Variants in PPFIA4 observed in about 807,000 individuals in gnomAD.
PPFIA4 encodes liprin-alpha-4.
A neutral mutation model predicts 145.7 loss-of-function variants in PPFIA4; 98 were observed. The observed-to-expected ratio is 0.67, with a 90% CI of 0.57 to 0.80. The LOEUF is 0.80. Ranked by LOEUF, PPFIA4 falls within the 30% of genes least tolerant of loss-of-function variation. PPFIA4 has a pLI of 0.00. For missense variants in PPFIA4, 1,457 were observed against 1,632.7 expected (o/e 0.89, Z 1.85); for synonymous variants, 628 against 649.6 (o/e 0.97, Z 0.51).
Position 203,060,803 on chromosome 1 carries a change from G to A in PPFIA4, c.2785-167G>A, listed in dbSNP as rs912805052. On this transcript the variant is annotated intron_variant, in intron 22 of 29. Transcript: ENST00000295706. The surrounding 1 kb of genome is among the most constrained non-coding windows in gnomAD (Gnocchi z 4.8). ...CACAAGAATGCGGACTGCTCTGTGG[G>A]CCCCTGGGGTGGAGTCTTTCATTGT... Among the ~76,000 whole-genome samples, 1 of 152,216 alleles carries A rather than the reference G, an allele frequency of 6.6e-6. No individual in the cohort carries two copies. The highest frequency in any genetic ancestry group is 1.5e-5 in the Non-Finnish European group (1 of 68,030).
Position 203,060,355 on chromosome 1 carries a change from C to T in PPFIA4, c.2722C>T (p.Arg908Cys), listed in dbSNP as rs770744340. ...CAATGCCCTGCACCGGCTCAAGCTC[C>T]GCCTGGCCATTCAGGAGATGGTGTC... ...ISNALHRLKLRLAIQEMVSLT... is the reference protein window; with the variant it reads ...ISNALHRLKLCLAIQEMVSLT... The change falls in exon 22 of 30, where the codon CGC (arginine) becomes TGC (cysteine). Residue 908 changes from arginine (R) to cysteine (C), a missense_variant. Coordinates refer to ENST00000295706, the MANE Select transcript of PPFIA4 (RefSeq NM_001304331.2). This position sits in a 1 kb window ranked among gnomAD's most constrained non-coding sequence, Gnocchi z 4.8. 1.4e-5 allele frequency: 23 copies of T among 1,613,912 alleles called. No homozygotes were observed. Among genetic ancestry groups the T allele is most frequent in the East Asian group, 2.2e-5 (1 of 44,892 alleles).
At position 203,075,900 on chromosome 1, in the gene PPFIA4, G is replaced by C; in HGVS notation, c.3574+143G>C. The C allele has an allele frequency of 3.4e-6, 3 of 871,170 alleles. No homozygotes were observed. Among genetic ancestry groups the C allele is most frequent in the Non-Finnish European group, 4.8e-6 (3 of 626,292 alleles). 54.0% of individuals were successfully genotyped at this position (871,170 alleles called of 1,614,324 possible). ...TGCGCTGCAGCTGCACTAACGCTCC[G>C]CGGGGAGCGTGTGTGCGCACTAACC... On this transcript the variant is annotated intron_variant, in intron 29 of 29. Coordinates refer to ENST00000295706, the MANE Select transcript of PPFIA4 (RefSeq NM_001304331.2). This position sits in a 1 kb window ranked among gnomAD's most constrained non-coding sequence, Gnocchi z 4.1.
At chr1:203,035,413 G>A (rs1571661022) in intron 1 of PPFIA4, 1 of 430,608 alleles carries the variant, frequency 2.3e-6, no homozygotes, top group Non-Finnish European at 4.7e-6. Context: ...AAAAGGTGGG[G>A]GTGACTTTTG....
At chr1:203,065,253 C>T (rs955322965) in intron 25 of PPFIA4, among the ~76,000 whole-genome samples, 5 of 152,180 alleles carry the variant, frequency 3.3e-5, no homozygotes, top group African/African-American at 1.2e-4. Context: ...GAACCCTTGG[C>T]CTATGTGACC....
intron 1 of PPFIA4, among the ~76,000 whole-genome samples, chr1:203,031,465 A>T (rs1014640501): frequency 1.3e-5 from 2 of 148,936 alleles, no homozygotes; most frequent in African/African-American, 5.0e-5. Context: ...ACACCCCCCC[A>T]TTCTCTTTTC....
At chr1:203,062,294 A>G (rs11582909) in intron 24 of PPFIA4, among the ~76,000 whole-genome samples, 76,482 of 149,850 alleles carry the variant, frequency 0.51, 19,812 homozygotes, top group South Asian at 0.55. Flanking sequence ...TGGCTAACAC[A>G]GTGAAACCCC....
rs1334835997 is a variant in PPFIA4, at chr1:203,055,349, G to A, written c.1830-83G>A. The A allele has an allele frequency of 5.1e-6, 8 of 1,571,286 alleles. No homozygotes were observed. In the Admixed American group the frequency reaches 8.4e-5, roughly 17 times the overall value. On this transcript the variant is annotated intron_variant, in intron 15 of 29. Coordinates refer to ENST00000295706, the MANE Select transcript of PPFIA4 (RefSeq NM_001304331.2). This position sits in a 1 kb window ranked among gnomAD's most constrained non-coding sequence, Gnocchi z 4.8. ...TGTACACCGCATGTGGTCCTTGGTG[G>A]CGAGTGCAGGCATCGACCCGCACTG...
rs752694231 is a variant in PPFIA4, at chr1:203,056,892, T to C, written c.2349T>C (p.Phe783=). 1.2e-6 allele frequency: 2 copies of C among 1,613,998 alleles called. No homozygotes were observed. The highest frequency in any genetic ancestry group is 4.5e-5 in the East Asian group (2 of 44,882). The change falls in exon 19 of 30, where the codon TTT becomes TTC. Residue 783 remains phenylalanine (F), a synonymous_variant. Transcript: ENST00000295706. The part of the protein sequence containing the change: ...KGIKSSIGRL[F]GKKEKGRLIQ... ...TCAAGTCGTCCATTGGCCGCCTGTT[T>C]GGGAAGAAGGAGAAGGGCAGGCTGA...
chr1:203,055,630 C>A lies in PPFIA4; in HGVS notation c.2028C>A (p.Arg676=). 6.2e-7 allele frequency: 1 copy of A among 1,614,030 alleles called. No individual in the cohort carries two copies. Among genetic ancestry groups the A allele is most frequent in the Non-Finnish European group, 8.5e-7 (1 of 1,179,900 alleles). Residue 676 remains arginine (R), a synonymous_variant, in exon 16 of 30, where the codon CGC becomes CGA. Transcript: ENST00000295706. The surrounding 1 kb of genome is among the most constrained non-coding windows in gnomAD (Gnocchi z 4.8). Reference sequence around the variant, plus strand: ...GCTCCACACCTAAGCTCACCTCCCGCAGTGCTGCCCAGGACCTGGACCGAA... The same window carrying A: ...GCTCCACACCTAAGCTCACCTCCCGAAGTGCTGCCCAGGACCTGGACCGAA... ...SGRSTPKLTS[R]SAAQDLDRMG...
At chr1:203,049,534 G>A in intron 12 of PPFIA4, 142 bp from the exon 13 acceptor site, 2 of 681,108 alleles carry the variant, frequency 2.9e-6, no homozygotes, top group Non-Finnish European at 4.5e-6. Context: ...CTGGCCTGGG[G>A]CCCCTGGCTT....
Position 203,027,133 on chromosome 1 carries a change from C to T in PPFIA4, c.-400+504C>T, listed in dbSNP as rs1658456303. Among the ~76,000 whole-genome samples the T allele has an allele frequency of 2.6e-5, 4 of 152,212 alleles. No homozygotes were observed. The South Asian group carries it at 8.3e-4, about 32-fold the overall frequency. ...AGCTCTCCATTCCTCGAACTGCCAG[C>T]CTCAGTCTGTGCCAGAGATGCCCCC... On this transcript the variant is annotated intron_variant, in intron 1 of 29. Transcript: ENST00000295706.
In PPFIA4 at chr1:203,054,235, G is replaced by C; in HGVS notation, c.1829+274G>C. 14 of 641,274 alleles carry C rather than the reference G, an allele frequency of 2.2e-5. No homozygotes were observed. The Middle Eastern group carries it at 1.6e-3, about 75-fold the overall frequency. The allele number at this position is 641,274 out of a possible 1,614,324, so 39.7% of individuals were successfully genotyped here. A position where few individuals can be genotyped will look rare whatever the true frequency, so the allele number is the denominator to read the frequency against. On this transcript the variant is annotated intron_variant, in intron 15 of 29. Transcript: ENST00000295706. ...GCTGTGTTCCTGCAGCCCTGCAGCT[G>C]ATCTTAACCACTAAGAGTGTAGCTC...
chr1:203,069,468 A>C (rs914166544), intron 27 of PPFIA4, among the ~76,000 whole-genome samples: 2 of 152,198 alleles, frequency 1.3e-5, no homozygotes, highest in Non-Finnish European at 2.9e-5. Flanking sequence ...TCTGGGCCCA[A>C]GCCTTTGTCT....
intron 25 of PPFIA4, 68 bp from the exon 26 acceptor site, chr1:203,067,627 G>C: frequency 7.4e-7 from 1 of 1,355,100 alleles, no homozygotes; most frequent in Non-Finnish European, 1.1e-6. Context: ...GCTGATGCTG[G>C]ATGTGAGACA....
intron 19 of PPFIA4, 68 bp from the exon 20 acceptor site, chr1:203,059,110 C>A: frequency 7.8e-7 from 1 of 1,286,214 alleles, no homozygotes; most frequent in Non-Finnish European, 1.1e-6. Context: ...TTCTGTTCCC[C>A]ACCCCTGATC....
At chr1:203,049,125 T>C (rs1425957759) in intron 12 of PPFIA4, 145 bp downstream of exon 12, 1 of 828,730 alleles carries the variant, frequency 1.2e-6, no homozygotes, top group Non-Finnish European at 1.9e-6. Flanking sequence ...CCGTGATTTC[T>C]CACTAGAGCC....
intron 1 of PPFIA4, among the ~76,000 whole-genome samples, chr1:203,033,956 C>T (rs1659027681): frequency 6.6e-6 from 1 of 152,198 alleles, no homozygotes; most frequent in Non-Finnish European, 1.5e-5. Context: ...TCTTTGAAGT[C>T]AGTCAGGGAT....
At chr1:203,037,655 G>A (rs548645668) in intron 1 of PPFIA4, among the ~76,000 whole-genome samples, 5 of 152,292 alleles carry the variant, frequency 3.3e-5, no homozygotes, top group Non-Finnish European at 5.9e-5. Context: ...TGACCATTGG[G>A]CTCCTGTGCC....
At chr1:203,064,595 C>T (rs1020355134) in intron 25 of PPFIA4, among the ~76,000 whole-genome samples, 1 of 152,234 alleles carries the variant, frequency 6.6e-6, no homozygotes, top group East Asian at 1.9e-4. Context: ...ATTTGGCCCA[C>T]AGACTTGTTT....
Sources: allele counts gnomAD v4.1 joint callset (sites outside exome capture counted in the v4.1 genomes callset), GRCh38; gene constraint gnomAD v4.1.1; non-coding constraint Gnocchi (gnomAD v3.1); transcripts MANE v1.5; gene names NCBI Gene and HGNC (gene_info 2026-07-23, HGNC 2026-07-21).